The following RCC1L variants were observed in gnomAD, a reference collection of about 807,000 sequenced individuals.
RCC1L encodes the protein RCC1-like G exchanging factor-like protein.
Under a neutral mutation model 58.6 loss-of-function variants are expected in RCC1L, and 46 were observed. The ratio of observed to expected loss-of-function variants is 0.79; its 90% CI spans 0.62 to 1.00. The LOEUF is 1.00. Among genes scored for constraint, RCC1L ranks in the 50% least tolerant of loss-of-function variants. The probability of loss-of-function intolerance (pLI) is 0.00; values close to 1 mark genes in which losing one functional copy is unlikely to be tolerated. For synonymous variants in RCC1L, 281 were observed against 262.9 expected (o/e 1.07, Z -0.67); for missense variants, 636 against 623.6 (o/e 1.02, Z -0.21).
chr7:75,039,744 A>G (rs1805510150), downstream of RCC1L, among the ~76,000 whole-genome samples: 1 of 152,108 alleles, frequency 6.6e-6, no homozygotes, highest in Non-Finnish European at 1.5e-5. Context: ...GTGTATGGAG[A>G]ATGGCCTGGG....
downstream of RCC1L, among the ~76,000 whole-genome samples, chr7:75,039,131 C>T (rs1444050161): frequency 6.6e-6 from 1 of 152,218 alleles, no homozygotes; most frequent in Non-Finnish European, 1.5e-5. Flanking sequence ...TGAGCCACTG[C>T]ACCTGGCCTC....
rs1028350403 is a variant in RCC1L at position 75,042,340 on chromosome 7, T to C, written c.*692A>G. On this transcript the variant is annotated 3_prime_UTR_variant, in exon 11 of 11. Coordinates refer to ENST00000610322, the MANE Select transcript of RCC1L (RefSeq NM_030798.5). The stretch of plus-strand genomic sequence containing the variant: ...CACTGCAGCTGAGCCTTGGCGGATA[T>C]GCTCGGGGCCCTCGGCGCAGAGGAA... The C allele has an allele frequency of 1.0e-6, 1 of 985,554 alleles. No homozygotes were observed. Among genetic ancestry groups the C allele is most frequent in the Non-Finnish European group, 1.2e-6 (1 of 829,976 alleles). 61.1% of individuals were successfully genotyped at this position (985,554 alleles called of 1,614,324 possible). A position where few individuals can be genotyped will look rare whatever the true frequency, so the allele number is the denominator to read the frequency against.
intron 7 of RCC1L, chr7:75,058,052 G>C: frequency 4.4e-6 from 1 of 228,046 alleles, no homozygotes; most frequent in Non-Finnish European, 8.2e-6. Flanking sequence ...CAGCTACTCG[G>C]GGGGCTGAGC....
chr7:75,031,757 A>G (rs1017575219), intron 10 of RCC1L, among the ~76,000 whole-genome samples: 2 of 152,168 alleles, frequency 1.3e-5, no homozygotes, highest in South Asian at 2.1e-4. Context: ...ATCATTATTT[A>G]TAGGTCACAT....
At chr7:75,038,928 G>T (rs1055821813), downstream of RCC1L, among the ~76,000 whole-genome samples, 127 of 152,282 alleles carry the variant, frequency 8.3e-4, no homozygotes, top group African/African-American at 2.9e-3. Flanking sequence ...AGTGGAGTAG[G>T]GCAGGGAAGC....
At chr7:75,065,512 G>A (rs1554444972) in intron 3 of RCC1L, among the ~76,000 whole-genome samples, 3 of 151,932 alleles carry the variant, frequency 2.0e-5, no homozygotes, top group Non-Finnish European at 2.9e-5. Context: ...CTGAGATCGT[G>A]CCACTGCACT....
chr7:75,041,490 G>A (rs1805564891), downstream of RCC1L, among the ~76,000 whole-genome samples: 2 of 152,104 alleles, frequency 1.3e-5, no homozygotes, highest in Non-Finnish European at 2.9e-5. Context: ...CAGGGCATGG[G>A]AGTCCAGCCT....
At chr7:75,063,425 T>A in intron 4 of RCC1L, 82 bp from the exon 5 acceptor site, 1 of 1,408,234 alleles carries the variant, frequency 7.1e-7, no homozygotes, top group Admixed American at 1.7e-5. Context: ...TCACCCCAAC[T>A]GATGGCCCGT....
chr7:75,050,510 G>A (rs1346314922), intron 10 of RCC1L, among the ~76,000 whole-genome samples: 4 of 152,226 alleles, frequency 2.6e-5, no homozygotes, highest in East Asian at 1.9e-4. Flanking sequence ...AAATGAGGGC[G>A]GGGGGCAGAC....
In RCC1L at chr7:75,070,735, A is replaced by G. The variant is rs587616937; in HGVS notation, c.359T>C (p.Leu120Pro). Residue 120 changes from leucine (L) to proline (P), a missense_variant, in exon 2 of 11, where the codon CTG becomes CCG. Transcript: ENST00000610322. Reference sequence around the variant, plus strand: ...AACATCCGCAGTCTTAGAGGACAGCAGTGTGAATCCATAGCCGCAAGCAGC... The same window carrying G: ...AACATCCGCAGTCTTAGAGGACAGCGGTGTGAATCCATAGCCGCAAGCAGC... ...SSAACGYGFT[L>P]LSSKTADVTK... The G allele has an allele frequency of 6.2e-7, 1 of 1,614,194 alleles. No individual in the cohort carries two copies. The highest frequency in any genetic ancestry group is 2.2e-5 in the East Asian group (1 of 44,882).
chr7:75,073,772 G>A lies in RCC1L; in HGVS notation c.-35C>T. 1.3e-6 allele frequency: 2 copies of A among 1,488,640 alleles called. No homozygotes were observed. The highest frequency in any genetic ancestry group is 1.8e-6 in the Non-Finnish European group (2 of 1,127,250). 92.2% of individuals were successfully genotyped at this position (1,488,640 alleles called of 1,614,324 possible). On this transcript the variant is annotated 5_prime_UTR_variant, in exon 1 of 11. Transcript: ENST00000610322. The stretch of plus-strand genomic sequence containing the variant: ...CGCGCCTCAGCAGCCTCTGGGCGCC[G>A]CCATCTTGCGTGACCCTTAACACCA...
downstream of RCC1L, among the ~76,000 whole-genome samples, chr7:75,038,644 G>A (rs1805481011): frequency 6.6e-6 from 1 of 152,012 alleles, no homozygotes; most frequent in Non-Finnish European, 1.5e-5. Context: ...AGACCAGGCA[G>A]GGGTGGATGG....
chr7:75,056,163 G>A (rs1430336581), intron 8 of RCC1L, 89 bp from the exon 9 acceptor site: 19 of 1,482,982 alleles, frequency 1.3e-5, no homozygotes, highest in Non-Finnish European at 1.8e-5. Context: ...CAAGGTTTAT[G>A]ACATCCACAC....
At chr7:75,028,841 C>T (rs1805217161) in intron 10 of RCC1L, among the ~76,000 whole-genome samples, 5 of 152,198 alleles carry the variant, frequency 3.3e-5, no homozygotes, top group African/African-American at 1.2e-4. Context: ...CAGGCCTGAC[C>T]CTGGTAGCTT....
intron 5 of RCC1L, among the ~76,000 whole-genome samples, chr7:75,062,792 T>C (rs1244595093): frequency 2.6e-5 from 4 of 151,974 alleles, no homozygotes; most frequent in Non-Finnish European, 5.9e-5. Context: ...TAGAGTGTCA[T>C]CCCCAAAAAT....
Position 75,052,806 on chromosome 7 carries a change from G to A in RCC1L, c.1232-10C>T. 1.9e-6 allele frequency: 3 copies of A among 1,610,860 alleles called. No individual in the cohort carries two copies. The highest frequency in any genetic ancestry group is 2.5e-6 in the Non-Finnish European group (3 of 1,178,532). ...AACAGCTCTCCTTTGTCTGCAAAGG[G>A]AGGAAAACAGGGGTTGGTTGGGACT... On this transcript the variant is annotated splice_polypyrimidine_tract_variant and intron_variant, in intron 9 of 10. Transcript: ENST00000610322.
rs940905965 is a variant in RCC1L at position 75,042,830 on chromosome 7, G to C, written c.*202C>G. ...CTGCCATCCAAGCTGAGTTCCGCAGGCCTCACCTGCAGCTGGAGAGGGACC... is the reference window on the plus strand; with the variant it reads ...CTGCCATCCAAGCTGAGTTCCGCAGCCCTCACCTGCAGCTGGAGAGGGACC... On this transcript the variant is annotated 3_prime_UTR_variant, in exon 11 of 11. Transcript: ENST00000610322. The C allele has an allele frequency of 1.2e-5, 17 of 1,445,942 alleles. No individual in the cohort carries two copies. Among genetic ancestry groups the C allele is most frequent in the Non-Finnish European group, 1.5e-5 (16 of 1,095,908 alleles). The allele number at this position is 1,445,942 out of a possible 1,614,324, so 89.6% of individuals were successfully genotyped here. A position where few individuals can be genotyped will look rare whatever the true frequency, so the allele number is the denominator to read the frequency against.
intron 10 of RCC1L, among the ~76,000 whole-genome samples, chr7:75,052,007 C>CT (rs1186545046): frequency 8.2e-4 from 125 of 152,196 alleles, no homozygotes; most frequent in Admixed American, 1.6e-3. Context: ...CAAAAACCTC[C>CT]TTTTTTAGAA....
chr7:75,072,155 C>CATACATATATATATATATAT (rs1806760182), intron 1 of RCC1L, among the ~76,000 whole-genome samples: 1 of 48,130 alleles, frequency 2.1e-5, no homozygotes, highest in South Asian at 8.7e-4. Context: ...TATACATATA[C>CATACATATATATATATATAT]ATATACATAT....
Sources: gnomAD v4.1 joint callset for allele counts (sites outside exome capture counted in the v4.1 genomes callset) on GRCh38, gnomAD v4.1.1 for gene constraint, MANE v1.5 for transcripts, NCBI Gene and HGNC (gene_info 2026-07-23, HGNC 2026-07-21) for gene names.